Variants in KCNH1 observed in about 807,000 individuals in gnomAD.
KCNH1 encodes potassium voltage-gated channel subfamily H member 1, also known as voltage-gated delayed rectifier potassium channel KCNH1.
In KCNH1, 27 loss-of-function variants were observed where a neutral mutation model predicts 69.2. The observed-to-expected ratio is 0.39, with a 90% CI of 0.29 to 0.54. The LOEUF is 0.54. Among genes scored for constraint, KCNH1 ranks in the 20% least tolerant of loss-of-function variants. The pLI, the probability that KCNH1 is intolerant of heterozygous loss-of-function variation, is 0.68. For synonymous variants in KCNH1, 456 were observed against 487.7 expected (o/e 0.93, Z 0.86); for missense variants, 798 against 1,261.6 (o/e 0.63, Z 5.57).
chr1:210,714,592 C>T (rs543233661), intron 10 of KCNH1, among the ~76,000 whole-genome samples: 257 of 152,260 alleles, frequency 1.7e-3, no homozygotes, highest in Non-Finnish European at 3.1e-3. Flanking sequence ...TCATAAATTA[C>T]GGTCTGAATT....
At chr1:211,125,818 A>G (rs1202669140) in intron 1 of KCNH1, among the ~76,000 whole-genome samples, 1 of 152,232 alleles carries the variant, frequency 6.6e-6, no homozygotes, top group Non-Finnish European at 1.5e-5. Context: ...ATTAATAATT[A>G]TAGGATTGAC....
chr1:210,701,063 A>G (rs1329595474), intron 10 of KCNH1, among the ~76,000 whole-genome samples: 1 of 151,942 alleles, frequency 6.6e-6, no homozygotes, highest in Admixed American at 6.6e-5. Context: ...TCAGCCTCCC[A>G]AGTAGCTGGG....
rs11119658 is a variant in KCNH1, at chr1:211,019,365, G to A, written c.559-109C>T. On this transcript the variant is annotated intron_variant, in intron 5 of 10. Coordinates refer to ENST00000271751, the MANE Select transcript of KCNH1 (RefSeq NM_172362.3). ...ATGGTCACAATACTCTGGATAAATC[G>A]TCAGGTACAATAACAGGTATGAAAG... is the stretch of plus-strand genomic sequence containing the variant. 250,859 of 664,770 alleles carry A rather than the reference G, an allele frequency of 0.38. 50,983 individuals are homozygous for A. The highest frequency in any genetic ancestry group is 0.57 in the African/African-American group (31,913 of 55,796). 41.2% of individuals were successfully genotyped at this position (664,770 alleles called of 1,614,324 possible).
chr1:210,948,881 C>T (rs988533015), intron 6 of KCNH1, among the ~76,000 whole-genome samples: 2 of 151,330 alleles, frequency 1.3e-5, no homozygotes, highest in African/African-American at 2.4e-5. Flanking sequence ...GAAACATGCC[C>T]GGGTTATAAC....
intron 7 of KCNH1, among the ~76,000 whole-genome samples, chr1:210,827,605 A>C (rs1685059661): frequency 1.3e-5 from 2 of 152,332 alleles, no homozygotes; most frequent in South Asian, 4.1e-4. Context: ...CATGCCACTG[A>C]AATAGGCAGA....
At chr1:211,056,589 C>T (rs1032747188) in intron 5 of KCNH1, among the ~76,000 whole-genome samples, 1 of 152,110 alleles carries the variant, frequency 6.6e-6, no homozygotes, top group African/African-American at 2.4e-5. Flanking sequence ...TTGGGTGGGA[C>T]CCAGTGTTGT....
intron 9 of KCNH1, among the ~76,000 whole-genome samples, chr1:210,791,117 G>T (rs1684203240): frequency 6.6e-6 from 1 of 152,148 alleles, no homozygotes; most frequent in Non-Finnish European, 1.5e-5. Context: ...CAGATCACTG[G>T]GAAGTTGACC....
At chr1:211,116,910 A>G (rs1691593149) in intron 1 of KCNH1, among the ~76,000 whole-genome samples, 1 of 152,204 alleles carries the variant, frequency 6.6e-6, no homozygotes, top group Non-Finnish European at 1.5e-5. Flanking sequence ...AATGGAGCTG[A>G]TTCCGTATTT....
intron 7 of KCNH1, among the ~76,000 whole-genome samples, chr1:210,868,638 C>T (rs576039246): frequency 1.2e-3 from 177 of 151,964 alleles, no homozygotes; most frequent in Middle Eastern, 3.4e-3. Flanking sequence ...GCCTATTTCC[C>T]CACTAAAATA....
intron 7 of KCNH1, among the ~76,000 whole-genome samples, chr1:210,885,482 C>T (rs560716953): frequency 1.3e-5 from 2 of 151,114 alleles, no homozygotes; most frequent in Non-Finnish European, 2.9e-5. Context: ...AACCGGGCTG[C>T]CATTTGGGCA....
chr1:210,974,434 C>T (rs1022442681), intron 6 of KCNH1, among the ~76,000 whole-genome samples: 9 of 151,748 alleles, frequency 5.9e-5, no homozygotes, highest in Non-Finnish European at 7.4e-5. Flanking sequence ...GCTAATATTT[C>T]GTTTAGGAGC....
At chr1:211,091,323 T>C (rs1249667921) in intron 3 of KCNH1, among the ~76,000 whole-genome samples, 1 of 152,030 alleles carries the variant, frequency 6.6e-6, no homozygotes, top group African/African-American at 2.4e-5. Context: ...GCTGGAATTA[T>C]AGGTACCCAC....
At chr1:210,935,380 A>C (rs1687759355) in intron 6 of KCNH1, among the ~76,000 whole-genome samples, 1 of 152,160 alleles carries the variant, frequency 6.6e-6, no homozygotes, top group Non-Finnish European at 1.5e-5. Flanking sequence ...GAGAGGGAAT[A>C]GGGAGAGTTC....
At chr1:210,718,492 G>A (rs71515154) in intron 10 of KCNH1, among the ~76,000 whole-genome samples, 8 of 20,934 alleles carry the variant, frequency 3.8e-4, no homozygotes, top group Non-Finnish European at 4.3e-4. Flanking sequence ...ATACATATAT[G>A]TATATATATA....
chr1:210,797,044 T>G (rs1169345440), intron 9 of KCNH1, among the ~76,000 whole-genome samples: 2 of 152,178 alleles, frequency 1.3e-5, no homozygotes, highest in South Asian at 4.1e-4. Flanking sequence ...CACTAAATAA[T>G]TTGTAGTTCC....
At chr1:210,737,730 T>G (rs561973753) in intron 10 of KCNH1, among the ~76,000 whole-genome samples, 26 of 152,330 alleles carry the variant, frequency 1.7e-4, no homozygotes, top group African/African-American at 6.3e-4. Context: ...CCAAAGGCCT[T>G]GCAACTGTCC....
chr1:211,115,717 G>GTATATATATATATA (rs1178328609), intron 1 of KCNH1, among the ~76,000 whole-genome samples: 1 of 96,718 alleles, frequency 1.0e-5, no homozygotes, highest in Non-Finnish European at 2.3e-5. Flanking sequence ...ATATATATAT[G>GTATATATATATATA]TATATATATA....
intron 10 of KCNH1, among the ~76,000 whole-genome samples, chr1:210,700,552 A>G (rs754844674): frequency 6.6e-6 from 1 of 152,018 alleles, no homozygotes; most frequent in African/African-American, 2.4e-5. Context: ...TTGATTTGTC[A>G]TCTCTCTGTA....
chr1:210,719,046 AC>A (rs1682384580), intron 10 of KCNH1, among the ~76,000 whole-genome samples: 1 of 152,126 alleles, frequency 6.6e-6, no homozygotes, highest in South Asian at 2.1e-4. Flanking sequence ...ATTGCCCACA[AC>A]TGCATTGTCC....
Sources: allele counts gnomAD v4.1 joint callset (sites outside exome capture counted in the v4.1 genomes callset), GRCh38; gene constraint gnomAD v4.1.1; transcripts MANE v1.5; gene names NCBI Gene and HGNC (gene_info 2026-07-23, HGNC 2026-07-21).